Variants in ACTR3 observed in about 807,000 individuals in gnomAD.
ACTR3 encodes actin-related protein 3.
A neutral mutation model predicts 56.8 loss-of-function variants in ACTR3; 12 were observed. The ratio of observed to expected loss-of-function variants is 0.21; its 90% CI spans 0.14 to 0.34. The LOEUF (loss-of-function observed/expected upper bound fraction) is 0.34. ACTR3 is among the 10% of genes least tolerant of loss of function. ACTR3 has a pLI of 1.00. For synonymous variants in ACTR3, 162 were observed against 167.4 expected (o/e 0.97, Z 0.25); for missense variants, 282 against 512.5 (o/e 0.55, Z 4.34).
At chr2:113,913,791 T>G (rs1298227850) in intron 2 of ACTR3, among the ~76,000 whole-genome samples, 1 of 152,246 alleles carries the variant, frequency 6.6e-6, no homozygotes, top group African/African-American at 2.4e-5. Context: ...TAATCTTGCT[T>G]AAGCTGACCA....
chr2:113,952,241 A>G (rs1004858037), intron 10 of ACTR3: 2 of 162,104 alleles, frequency 1.2e-5, no homozygotes, highest in African/African-American at 4.8e-5. Context: ...CCTGCTCTCA[A>G]AAACTGACTT....
intron 2 of ACTR3, 116 bp downstream of exon 2, chr2:113,913,343 C>T: frequency 2.8e-6 from 2 of 711,438 alleles, no homozygotes; most frequent in South Asian, 5.6e-5. Flanking sequence ...CTTTTAAAAA[C>T]ATGATTTGCC....
At chr2:113,891,850 G>C (rs1257280990) in intron 1 of ACTR3, among the ~76,000 whole-genome samples, 1 of 151,940 alleles carries the variant, frequency 6.6e-6, no homozygotes, top group Non-Finnish European at 1.5e-5. Context: ...TTATTTAAAA[G>C]TTTTTCCTTA....
chr2:113,894,465 T>A (rs1326764748), intron 1 of ACTR3, among the ~76,000 whole-genome samples: 2 of 152,238 alleles, frequency 1.3e-5, no homozygotes, highest in African/African-American at 4.8e-5. Flanking sequence ...AAAGCACTCA[T>A]TGAAATTCTT....
chr2:113,940,265 A>G, intron 7 of ACTR3, 163 bp downstream of exon 7: 1 of 527,790 alleles, frequency 1.9e-6, no homozygotes, highest in Non-Finnish European at 3.0e-6. Context: ...TGTTTCTTAA[A>G]AGAAAATTAT....
intron 2 of ACTR3, 77 bp downstream of exon 2, chr2:113,913,304 T>A: frequency 2.6e-6 from 3 of 1,134,204 alleles, no homozygotes; most frequent in Non-Finnish European, 2.5e-6. Flanking sequence ...AAAGAAGTAA[T>A]CAGTTCTGAA....
At chr2:113,915,337 A>G (rs11123217) in intron 2 of ACTR3, among the ~76,000 whole-genome samples, 1 of 152,202 alleles carries the variant, frequency 6.6e-6, no homozygotes, top group African/African-American at 2.4e-5. Flanking sequence ...TGTCTTCTTA[A>G]TGTGCGTCTT....
At chr2:113,948,568 T>A (rs1680063270) in intron 8 of ACTR3, among the ~76,000 whole-genome samples, 1 of 152,202 alleles carries the variant, frequency 6.6e-6, no homozygotes, top group South Asian at 2.1e-4. Context: ...TTTGTTACAT[T>A]ATAATTTCAA....
In ACTR3 at chr2:113,957,447, A is replaced by G; in HGVS notation, c.1249A>G (p.Met417Val). 1 of 1,612,666 alleles carries G rather than the reference A, an allele frequency of 6.2e-7. No homozygotes were observed. Among genetic ancestry groups the G allele is most frequent in the Non-Finnish European group, 8.5e-7 (1 of 1,179,044 alleles). Residue 417 changes from methionine (M) to valine (V), a missense_variant, in exon 12 of 12, where the codon ATG (methionine) becomes GTG (valine). Transcript: ENST00000263238. ...ICRHNPVFGV[M>V]S ...TCGTCACAATCCAGTGTTTGGAGTC[A>G]TGTCGTAAAATTGGCTTCATAGTTA...
chr2:113,921,668 T>G (rs1679514119), intron 3 of ACTR3, among the ~76,000 whole-genome samples: 1 of 152,208 alleles, frequency 6.6e-6, no homozygotes. Flanking sequence ...CTAGAGGTCT[T>G]GTTTCATAAG....
intron 10 of ACTR3, chr2:113,953,020 T>C (rs1197515851): frequency 2.0e-5 from 3 of 152,186 alleles, no homozygotes; most frequent in Admixed American, 2.0e-4. Flanking sequence ...ATAGTGCATG[T>C]TCTGGTTTTT....
At chr2:113,899,808 G>A (rs139520813) in intron 1 of ACTR3, among the ~76,000 whole-genome samples, 2,757 of 152,288 alleles carry the variant, frequency 0.018, 37 homozygotes, top group Middle Eastern at 0.044. Context: ...TACTGATAAA[G>A]GGAAGTCATG....
At chr2:113,894,373 A>G (rs916795410) in intron 1 of ACTR3, among the ~76,000 whole-genome samples, 1 of 152,192 alleles carries the variant, frequency 6.6e-6, no homozygotes, top group African/African-American at 2.4e-5. Context: ...GATTACAGAC[A>G]TGAGCCACTG....
intron 8 of ACTR3, among the ~76,000 whole-genome samples, chr2:113,943,097 AAG>A (rs538502563): frequency 1.8e-4 from 27 of 152,358 alleles, no homozygotes; most frequent in Non-Finnish European, 3.4e-4. Flanking sequence ...CAAAGAATAA[AAG>A]AGATGAGTAT....
At chr2:113,901,390 C>A (rs746903458) in intron 1 of ACTR3, among the ~76,000 whole-genome samples, 4 of 152,188 alleles carry the variant, frequency 2.6e-5, no homozygotes, top group African/African-American at 9.7e-5. Context: ...ACCAAATTAC[C>A]TTTTTGGGCT....
chr2:113,898,597 A>G (rs1041851739), intron 1 of ACTR3, among the ~76,000 whole-genome samples: 7 of 152,242 alleles, frequency 4.6e-5, no homozygotes, highest in African/African-American at 1.7e-4. Context: ...TGTATGGCAC[A>G]CATGAGAAAC....
At chr2:113,906,909 A>G (rs771628812) in intron 1 of ACTR3, among the ~76,000 whole-genome samples, 1 of 152,070 alleles carries the variant, frequency 6.6e-6, no homozygotes, top group Non-Finnish European at 1.5e-5. Flanking sequence ...GTTCTTTTTC[A>G]GGATTATTTT....
At chr2:113,908,269 CAAAG>C (rs1465079379) in intron 1 of ACTR3, among the ~76,000 whole-genome samples, 3 of 125,868 alleles carry the variant, frequency 2.4e-5, no homozygotes, top group Admixed American at 1.6e-4. Flanking sequence ...TTTTTTTTGT[CAAAG>C]AAAAAGCGAG....
At chr2:113,932,179 A>T (rs1679736416) in intron 5 of ACTR3, among the ~76,000 whole-genome samples, 1 of 152,346 alleles carries the variant, frequency 6.6e-6, no homozygotes, top group East Asian at 1.9e-4. Context: ...TTTAACTTGG[A>T]TAGCAAAGAA....
Sources: allele counts gnomAD v4.1 joint callset (sites outside exome capture counted in the v4.1 genomes callset), GRCh38; gene constraint gnomAD v4.1.1; transcripts MANE v1.5; gene names NCBI Gene and HGNC (gene_info 2026-07-23, HGNC 2026-07-21).